PTPRE: variants seen among roughly 807,000 people sequenced by gnomAD.
PTPRE encodes the protein receptor-type tyrosine-protein phosphatase epsilon.
PTPRE carries 51 observed loss-of-function variants against 102.0 expected under a neutral mutation model. That is an observed-to-expected ratio of 0.50 (90% CI 0.40 to 0.63). PTPRE has a LOEUF of 0.63. PTPRE is among the 30% of genes least tolerant of loss of function. PTPRE has a pLI of 0.00. For synonymous variants in PTPRE, 345 were observed against 348.2 expected (o/e 0.99, Z 0.10); for missense variants, 752 against 915.1 (o/e 0.82, Z 2.30).
rs1331465825 is a variant in PTPRE at position 128,072,359 on chromosome 10, A to T, written c.1464+145A>T. 15 of 403,818 alleles carry T rather than the reference A, an allele frequency of 3.7e-5. No homozygotes were observed. The South Asian group carries it at 7.8e-4, about 21-fold the overall frequency. The allele number at this position is 403,818 out of a possible 1,614,324, so 25.0% of individuals were successfully genotyped here. A position where few individuals can be genotyped will look rare whatever the true frequency, so the allele number is the denominator to read the frequency against. On this transcript the variant is annotated intron_variant, in intron 16 of 20. Transcript: ENST00000254667. ...TTTTTGTTAGCAGAATTACTTGCTT[A>T]AAAAAAAAAGTGGCAAGGCACGATG...
intron 2 of PTPRE, among the ~76,000 whole-genome samples, chr10:128,005,714 C>T (rs752057110): frequency 6.6e-5 from 10 of 152,284 alleles, no homozygotes; most frequent in East Asian, 1.9e-4. Flanking sequence ...AGAGGGAGGA[C>T]GCTGGGCAGG....
At chr10:128,063,210 A>G (rs1849767240) in intron 10 of PTPRE, 30 bp downstream of exon 10, 1 of 1,611,894 alleles carries the variant, frequency 6.2e-7, no homozygotes, top group Admixed American at 1.7e-5. Flanking sequence ...CCCCGGTATC[A>G]CTTCCTTTCA....
intron 7 of PTPRE, among the ~76,000 whole-genome samples, chr10:128,058,745 C>T (rs982692880): frequency 6.6e-6 from 1 of 151,658 alleles, no homozygotes; most frequent in Non-Finnish European, 1.5e-5. Flanking sequence ...GCCCAACTTC[C>T]CCAGCCCCTA....
chr10:128,069,979 C>T lies in PTPRE; in HGVS notation c.1143+152C>T, dbSNP rs73388007. Reference sequence around the variant, plus strand: ...CGCTCCCCATAGCCTTCCCTGCCCACGCGTGGGACCTCAGGGACTCCCTCG... The same window carrying T: ...CGCTCCCCATAGCCTTCCCTGCCCATGCGTGGGACCTCAGGGACTCCCTCG... On this transcript the variant is annotated intron_variant, in intron 13 of 20. Coordinates refer to ENST00000254667, the MANE Select transcript of PTPRE (RefSeq NM_006504.6). 1,163 of 1,140,318 alleles carry T rather than the reference C, an allele frequency of 1.0e-3. 7 individuals are homozygous for T. The African/African-American group carries it at 0.015, about 15-fold the overall frequency. The allele number at this position is 1,140,318 out of a possible 1,614,324, so 70.6% of individuals were successfully genotyped here.
Position 127,932,492 on chromosome 10 carries a change from A to G in PTPRE, c.-31+25183A>G, listed in dbSNP as rs578032661. 2.0e-5 allele frequency among the ~76,000 whole-genome samples: 3 copies of G among 152,366 alleles called. No individual in the cohort carries two copies. In the South Asian group the frequency reaches 6.2e-4, roughly 32 times the overall value. On this transcript the variant is annotated intron_variant, in intron 1 of 20. Coordinates refer to ENST00000254667, the MANE Select transcript of PTPRE (RefSeq NM_006504.6). ...GGTGGAACGGTAAGAACAGTGGCGA[A>G]GAAGGGCTGCACGGAGTTTCTCTCC...
intron 1 of PTPRE, among the ~76,000 whole-genome samples, chr10:127,923,349 A>C (rs1041009969): frequency 6.6e-6 from 1 of 151,774 alleles, no homozygotes; most frequent in Non-Finnish European, 1.5e-5. Context: ...GAAGAACCTC[A>C]TAATGGAATC....
intron 1 of PTPRE, among the ~76,000 whole-genome samples, chr10:127,925,713 A>C (rs1341056193): frequency 6.6e-6 from 1 of 152,158 alleles, no homozygotes; most frequent in African/African-American, 2.4e-5. Flanking sequence ...TATCACCCTA[A>C]AGACCAACAT....
chr10:128,023,562 A>G (rs116357520), intron 2 of PTPRE, among the ~76,000 whole-genome samples: 1,778 of 152,302 alleles, frequency 0.012, 35 homozygotes, highest in African/African-American at 0.041. Context: ...ACAGTGCCCA[A>G]TTTGGAAAAT....
At chr10:128,057,707 G>A (rs1206432388) in intron 7 of PTPRE, among the ~76,000 whole-genome samples, 1 of 152,196 alleles carries the variant, frequency 6.6e-6, no homozygotes, top group Non-Finnish European at 1.5e-5. Flanking sequence ...GTGTAGGGGT[G>A]GCCAAGGCAA....
Position 128,084,070 on chromosome 10 carries a change from G to A in PTPRE, c.*1164G>A, listed in dbSNP as rs528536556. 2.1e-3 allele frequency: 323 copies of A among 151,348 alleles called. 2 individuals carry two copies. Among genetic ancestry groups the A allele is most frequent in the African/African-American group, 7.4e-3 (304 of 41,220 alleles). 9.4% of individuals were successfully genotyped at this position (151,348 alleles called of 1,614,324 possible). A position where few individuals can be genotyped will look rare whatever the true frequency, so the allele number is the denominator to read the frequency against. ...CTAAAAGCTAAATTATTTTTGAATG[G>A]AAATACTACTGAGACCATTGACACT... On this transcript the variant is annotated 3_prime_UTR_variant, in exon 21 of 21. Transcript: ENST00000254667.
intron 1 of PTPRE, among the ~76,000 whole-genome samples, chr10:127,971,645 C>T (rs7085177): frequency 0.14 from 20,795 of 152,302 alleles, 1,851 homozygotes; most frequent in African/African-American, 0.24. Context: ...GTGCTTGCCC[C>T]TCACAAGGCA....
At chr10:128,007,334 G>A (rs1844584977) in intron 2 of PTPRE, among the ~76,000 whole-genome samples, 1 of 152,112 alleles carries the variant, frequency 6.6e-6, no homozygotes, top group African/African-American at 2.4e-5. Context: ...GTTTTTCCAG[G>A]TAGGCCAGAA....
intron 1 of PTPRE, among the ~76,000 whole-genome samples, chr10:127,925,672 C>T (rs938738599): frequency 1.3e-5 from 2 of 152,204 alleles, no homozygotes; most frequent in Non-Finnish European, 2.9e-5. Flanking sequence ...CAGCTGTGGC[C>T]TCTGCAACAG....
chr10:128,053,688 G>A (rs1002424630), intron 6 of PTPRE, among the ~76,000 whole-genome samples: 12 of 152,180 alleles, frequency 7.9e-5, no homozygotes, highest in African/African-American at 2.7e-4. Context: ...GCAACCGTGG[G>A]GTGTCAGAGC....
chr10:128,001,125 T>C (rs1853839316), intron 2 of PTPRE, among the ~76,000 whole-genome samples: 1 of 152,236 alleles, frequency 6.6e-6, no homozygotes, highest in Non-Finnish European at 1.5e-5. Context: ...TTACCTGTAA[T>C]GTGAAAGGGC....
intron 2 of PTPRE, among the ~76,000 whole-genome samples, chr10:127,992,394 G>A (rs1196809615): frequency 6.6e-6 from 1 of 152,180 alleles, no homozygotes; most frequent in African/African-American, 2.4e-5. Context: ...GCCCTCAGAA[G>A]AAACTGAAAA....
intron 1 of PTPRE, among the ~76,000 whole-genome samples, chr10:127,932,757 G>A (rs1452331215): frequency 6.6e-6 from 1 of 152,186 alleles, no homozygotes; most frequent in African/African-American, 2.4e-5. Context: ...GGCCCAGCTG[G>A]TTCTCTGCTC....
At chr10:128,082,195 C>CTTTTTTTTTTTT (rs35709074) in intron 20 of PTPRE, among the ~76,000 whole-genome samples, 1 of 89,036 alleles carries the variant, frequency 1.1e-5, no homozygotes, top group African/African-American at 4.6e-5. Flanking sequence ...TTTTCTCTTT[C>CTTTTTTTTTTTT]TTTTTTTTTT....
chr10:128,065,887 T>C (rs1220150529), intron 10 of PTPRE, among the ~76,000 whole-genome samples, 188 bp from the exon 11 acceptor site: 2 of 152,226 alleles, frequency 1.3e-5, no homozygotes, highest in Non-Finnish European at 2.9e-5. Context: ...GTTTCAAGGC[T>C]GCTGTTCACC....
Sources: gnomAD v4.1 joint callset for allele counts (sites outside exome capture counted in the v4.1 genomes callset) on GRCh38, gnomAD v4.1.1 for gene constraint, MANE v1.5 for transcripts, NCBI Gene and HGNC (gene_info 2026-07-23, HGNC 2026-07-21) for gene names.